The following GRM7 variants were observed in gnomAD, a reference collection of about 807,000 sequenced individuals.
GRM7 encodes glutamate metabotropic receptor 7.
Under a neutral mutation model 84.5 loss-of-function variants are expected in GRM7, and 35 were observed. The observed-to-expected ratio is 0.41, with a 90% CI of 0.32 to 0.55. The LOEUF is 0.55. GRM7 is among the 20% of genes least tolerant of loss of function. GRM7 has a pLI of 0.19. For synonymous variants in GRM7, 487 were observed against 455.1 expected (o/e 1.07, Z -0.89); for missense variants, 1,003 against 1,194.6 (o/e 0.84, Z 2.36).
chr3:7,569,915 G>T (rs186582048), intron 7 of GRM7, among the ~76,000 whole-genome samples: 4 of 152,152 alleles, frequency 2.6e-5, no homozygotes, highest in South Asian at 4.1e-4. Context: ...TCACCGCGAG[G>T]GTCCGTGGCT....
intron 4 of GRM7, among the ~76,000 whole-genome samples, chr3:7,409,895 T>C (rs899426266): frequency 6.6e-6 from 1 of 152,182 alleles, no homozygotes; most frequent in East Asian, 1.9e-4. Flanking sequence ...CCACTGTGCC[T>C]GGCCAACTTC....
In GRM7 at chr3:6,862,955, C is replaced by T; in HGVS notation, c.519+1048C>T. On this transcript the variant is annotated intron_variant, in intron 1 of 9. Coordinates refer to ENST00000357716, the MANE Select transcript of GRM7 (RefSeq NM_000844.4). This position sits in a 1 kb window ranked among gnomAD's most constrained non-coding sequence, Gnocchi z 5.2. ...TGGGTTCTGCCGCAGTGTTCTCTCG[C>T]CTCCTGCTCCAGCAGCCTCTGCCCC... 2.2e-6 allele frequency: 1 copy of T among 455,658 alleles called. No homozygotes were observed. Among genetic ancestry groups the T allele is most frequent in the Non-Finnish European group, 4.4e-6 (1 of 226,540 alleles). The allele number at this position is 455,658 out of a possible 1,614,324, so 28.2% of individuals were successfully genotyped here.
intron 4 of GRM7, among the ~76,000 whole-genome samples, chr3:7,392,455 C>G (rs557319302): frequency 2.4e-4 from 36 of 151,922 alleles, no homozygotes; most frequent in Non-Finnish European, 4.4e-4. Context: ...GACTAAAATG[C>G]CTGCTGTGGC....
chr3:7,635,526 G>C (rs1019501039), intron 8 of GRM7, among the ~76,000 whole-genome samples: 5 of 152,130 alleles, frequency 3.3e-5, no homozygotes, highest in African/African-American at 7.2e-5. Flanking sequence ...TCCACTGAAA[G>C]CAATAGTCTG....
chr3:7,052,182 T>A (rs1360084238), intron 1 of GRM7, among the ~76,000 whole-genome samples: 5 of 151,698 alleles, frequency 3.3e-5, no homozygotes, highest in Non-Finnish European at 5.9e-5. Context: ...AATCAGTGAT[T>A]ATCTGTCTTT....
chr3:6,960,945 T>G (rs1426958306), intron 1 of GRM7, among the ~76,000 whole-genome samples: 1 of 152,226 alleles, frequency 6.6e-6, no homozygotes, highest in Non-Finnish European at 1.5e-5. Flanking sequence ...AGTTGTCTGC[T>G]AAATTTTACT....
At chr3:7,515,141 C>A (rs112889553) in intron 7 of GRM7, among the ~76,000 whole-genome samples, 1 of 148,514 alleles carries the variant, frequency 6.7e-6, no homozygotes, top group Non-Finnish European at 1.5e-5. Context: ...CTGTTACACA[C>A]GTGAAATGCC....
chr3:7,267,472 T>C (rs1698685405), intron 2 of GRM7, among the ~76,000 whole-genome samples: 1 of 152,222 alleles, frequency 6.6e-6, no homozygotes, highest in South Asian at 2.1e-4. Flanking sequence ...ATTAGAATTG[T>C]ACCTTTGTGA....
At chr3:7,689,186 C>A (rs1559488753) in intron 9 of GRM7, among the ~76,000 whole-genome samples, 1 of 152,116 alleles carries the variant, frequency 6.6e-6, no homozygotes, top group African/African-American at 2.4e-5. Flanking sequence ...TATAATTAAG[C>A]CTTGCGAGAA....
rs552451901 is a variant in GRM7, at chr3:6,868,338, G to A, written c.519+6431G>A. ...CAGATTTTCCTATCCTGAATTTATA[G>A]TGGTTTAAAGACATCACAGTTGCTG... On this transcript the variant is annotated intron_variant, in intron 1 of 9. Coordinates refer to ENST00000357716, the MANE Select transcript of GRM7 (RefSeq NM_000844.4). Among the ~76,000 whole-genome samples, 22 of 152,294 alleles carry A rather than the reference G, an allele frequency of 1.4e-4. No homozygotes were observed. In the South Asian group the frequency reaches 4.1e-3, roughly 29 times the overall value.
At position 7,740,410 on chromosome 3, in the gene GRM7, G is replaced by T. The variant is rs780218004; in HGVS notation, c.*4G>T. 2 of 1,528,518 alleles carry T rather than the reference G, an allele frequency of 1.3e-6. No homozygotes were observed. The highest frequency in any genetic ancestry group is 2.8e-5 in the African/African-American group (2 of 72,002). The allele number at this position is 1,528,518 out of a possible 1,614,324, so 94.7% of individuals were successfully genotyped here. ...TTATAATAACCTGGTTATCTAACCTGTTCCATTCCATGGAACCATGGAGGA... is the reference window on the plus strand; with the variant it reads ...TTATAATAACCTGGTTATCTAACCTTTTCCATTCCATGGAACCATGGAGGA... On this transcript the variant is annotated 3_prime_UTR_variant, in exon 10 of 10. Transcript: ENST00000357716.
At chr3:6,870,507 G>A (rs961624729) in intron 1 of GRM7, among the ~76,000 whole-genome samples, 2 of 152,192 alleles carry the variant, frequency 1.3e-5, no homozygotes, top group Non-Finnish European at 2.9e-5. Flanking sequence ...CAAGGCCATC[G>A]CAGGCATTTT....
chr3:7,327,556 TG>T (rs1334589611), intron 4 of GRM7, among the ~76,000 whole-genome samples: 1 of 152,218 alleles, frequency 6.6e-6, no homozygotes, highest in African/African-American at 2.4e-5. Context: ...ACCTTTATAG[TG>T]TTATCTAAGT....
intron 7 of GRM7, among the ~76,000 whole-genome samples, chr3:7,538,650 G>T (rs1318389329): frequency 2.6e-5 from 4 of 152,124 alleles, no homozygotes; most frequent in Non-Finnish European, 4.4e-5. Context: ...AAACATCACT[G>T]AGTGCCTGCA....
At chr3:7,102,175 T>A (rs989521225) in intron 1 of GRM7, among the ~76,000 whole-genome samples, 5 of 151,846 alleles carry the variant, frequency 3.3e-5, no homozygotes, top group African/African-American at 1.2e-4. Context: ...CCTAAAAAAG[T>A]GGTTTTAGCA....
At chr3:7,160,703 A>C (rs917171141) in intron 2 of GRM7, among the ~76,000 whole-genome samples, 57 of 152,140 alleles carry the variant, frequency 3.7e-4, no homozygotes, top group African/African-American at 1.3e-3. Flanking sequence ...AGTTCAAGTT[A>C]AAAAGAACCT....
At chr3:7,345,816 C>A (rs1286521115) in intron 4 of GRM7, among the ~76,000 whole-genome samples, 1 of 144,830 alleles carries the variant, frequency 6.9e-6, no homozygotes. Flanking sequence ...AAAGTGTGTT[C>A]ATACTCAAAG....
chr3:7,044,674 C>T (rs1029874957), intron 1 of GRM7, among the ~76,000 whole-genome samples: 10 of 152,098 alleles, frequency 6.6e-5, no homozygotes, highest in Admixed American at 1.3e-4. Flanking sequence ...ATCTTTTCTA[C>T]GGCTTTTTTT....
chr3:6,999,530 G>A (rs1694939742), intron 1 of GRM7, among the ~76,000 whole-genome samples: 1 of 152,146 alleles, frequency 6.6e-6, no homozygotes, highest in East Asian at 1.9e-4. Flanking sequence ...ACTCTCTGCA[G>A]TACTAATTTA....
Sources: gnomAD v4.1 joint callset for allele counts (sites outside exome capture counted in the v4.1 genomes callset) on GRCh38, gnomAD v4.1.1 for gene constraint, Gnocchi (gnomAD v3.1) non-coding constraint, MANE v1.5 for transcripts, NCBI Gene and HGNC (gene_info 2026-07-23, HGNC 2026-07-21) for gene names.